The following EML6 variants were observed in gnomAD, a reference collection of about 807,000 sequenced individuals.
The protein encoded by EML6 is EMAP like 6.
In EML6, 154 loss-of-function variants were observed where a neutral mutation model predicts 240.1. The observed-to-expected ratio is 0.64, with a 90% CI of 0.56 to 0.73. The LOEUF is 0.73. Ranked by LOEUF, EML6 falls within the 30% of genes least tolerant of loss-of-function variation. The pLI is 0.00. For synonymous variants in EML6, 1,148 were observed against 899.0 expected, an observed-to-expected ratio of 1.28 and a Z score of -4.95; for missense variants, 2,964 against 2,474.6, an observed-to-expected ratio of 1.20 and a Z score of -4.20.
intron 2 of EML6, among the ~76,000 whole-genome samples, chr2:54,745,297 T>G (rs1327216417): frequency 6.6e-6 from 1 of 152,196 alleles, no homozygotes; most frequent in African/African-American, 2.4e-5. Flanking sequence ...CAGTCTTGAC[T>G]GCAGGTCTGA....
chr2:54,879,491 G>A, intron 16 of EML6, 56 bp from the exon 17 acceptor site: 1 of 1,131,804 alleles, frequency 8.8e-7, no homozygotes, highest in Non-Finnish European at 1.3e-6. Context: ...TACAGTGTAT[G>A]AAATGTTTTG....
intron 39 of EML6, among the ~76,000 whole-genome samples, chr2:54,967,633 A>AG (rs753059572): frequency 1.3e-5 from 2 of 151,928 alleles, no homozygotes; most frequent in Non-Finnish European, 1.5e-5. Flanking sequence ...ACTGAGGCAG[A>AG]GGGGGAACAG....
At chr2:54,809,377 C>G (rs550756440) in intron 2 of EML6, among the ~76,000 whole-genome samples, 1 of 152,174 alleles carries the variant, frequency 6.6e-6, no homozygotes, top group African/African-American at 2.4e-5. Flanking sequence ...GTGACTTGCG[C>G]TATGGGAGGA....
rs1050774181 is a variant in EML6 at position 54,725,479 on chromosome 2, G to C, written c.197+221G>C. Reference sequence around the variant, plus strand: ...GATGTCTTTTCGCTGTATCCCTCCGGAATTCTGGCTTTTAAATCTCCAAGG... The same window carrying C: ...GATGTCTTTTCGCTGTATCCCTCCGCAATTCTGGCTTTTAAATCTCCAAGG... On this transcript the variant is annotated intron_variant, in intron 2 of 41. Coordinates refer to ENST00000356458, the MANE Select transcript of EML6 (RefSeq NM_001039753.4). This position sits in a 1 kb window ranked among gnomAD's most constrained non-coding sequence, Gnocchi z 4.3. Among the ~76,000 whole-genome samples, 8 of 152,154 alleles carry C rather than the reference G, an allele frequency of 5.3e-5. No homozygotes were observed. The highest frequency in any genetic ancestry group is 8.8e-5 in the Non-Finnish European group (6 of 68,016).
intron 2 of EML6, among the ~76,000 whole-genome samples, chr2:54,789,586 A>ACG (rs1483643620): frequency 3.8e-4 from 55 of 146,382 alleles, no homozygotes; most frequent in Non-Finnish European, 5.3e-4. Flanking sequence ...CATGGGTGGG[A>ACG]CGTAACTGGC....
intron 18 of EML6, 86 bp from the exon 19 acceptor site, chr2:54,892,368 C>G (rs1042468049): frequency 1.3e-6 from 1 of 792,608 alleles, no homozygotes; most frequent in African/African-American, 1.8e-5. Flanking sequence ...TGAGAGACAC[C>G]AGGTTTCTCA....
chr2:54,840,285 G>T (rs535660223), intron 7 of EML6, among the ~76,000 whole-genome samples: 28 of 124,616 alleles, frequency 2.2e-4, no homozygotes, highest in Non-Finnish European at 4.6e-4. Flanking sequence ...GAAAAGGGCC[G>T]TGTCTTTAAA....
intron 32 of EML6, among the ~76,000 whole-genome samples, chr2:54,957,016 C>T (rs562852831): frequency 1.3e-5 from 2 of 152,254 alleles, no homozygotes; most frequent in East Asian, 3.9e-4. Flanking sequence ...TACTGGCTAA[C>T]ACATGATCAC....
At chr2:54,743,557 C>G (rs1316434671) in intron 2 of EML6, among the ~76,000 whole-genome samples, 2 of 152,162 alleles carry the variant, frequency 1.3e-5, no homozygotes, top group African/African-American at 4.8e-5. Context: ...ATTTCTGACT[C>G]CAAAGCCATG....
chr2:54,857,862 G>C (rs58433214), intron 11 of EML6, among the ~76,000 whole-genome samples: 3,011 of 152,220 alleles, frequency 0.02, 95 homozygotes, highest in African/African-American at 0.068. Flanking sequence ...CGGGGAGAGA[G>C]GGCAGAAAGA....
chr2:54,862,175 C>G (rs1670708131), intron 12 of EML6, among the ~76,000 whole-genome samples: 1 of 151,452 alleles, frequency 6.6e-6, no homozygotes, highest in Non-Finnish European at 1.5e-5. Flanking sequence ...CCTGTCTCTA[C>G]TAAAAATACA....
At position 54,944,347 on chromosome 2, in the gene EML6, G is replaced by A. The variant is rs572902852; in HGVS notation, c.4005-4535G>A. 8.5e-5 allele frequency among the ~76,000 whole-genome samples: 13 copies of A among 152,176 alleles called. No homozygotes were observed. In the South Asian group the frequency reaches 2.7e-3, roughly 32 times the overall value. On this transcript the variant is annotated intron_variant, in intron 28 of 41. Coordinates refer to ENST00000356458, the MANE Select transcript of EML6 (RefSeq NM_001039753.4). The stretch of plus-strand genomic sequence containing the variant: ...ATATGCAAGCTGGAAAACTGGTATT[G>A]CCCTTGAGTTGCTTTTCCTACTTCA...
chr2:54,938,873 C>G (rs1184722308), intron 28 of EML6, among the ~76,000 whole-genome samples: 1 of 152,168 alleles, frequency 6.6e-6, no homozygotes, highest in Non-Finnish European at 1.5e-5. Flanking sequence ...CGTATTATCT[C>G]ATTTCTGTTG....
intron 7 of EML6, among the ~76,000 whole-genome samples, chr2:54,843,423 C>A (rs1669566960): frequency 6.6e-6 from 1 of 152,080 alleles, no homozygotes; most frequent in Admixed American, 6.5e-5. Context: ...GAGACCTTGT[C>A]TCTAAAAAAT....
Position 54,725,130 on chromosome 2 carries a change from G to A in EML6, c.69G>A (p.Gln23=), listed in dbSNP as rs769738994. The stretch of plus-strand genomic sequence containing the variant: ...GGGTGTACGGGTACCGGGGTCACCA[G>A]TGCCGCAACAACCTGTACTACACGG... ...LEWVYGYRGH[Q]CRNNLYYTAG... is the part of the protein sequence containing the mutation. The change falls in exon 2 of 42, where the codon CAG becomes CAA. Residue 23 remains glutamine (Q), a synonymous_variant. Transcript: ENST00000356458. This position sits in a 1 kb window ranked among gnomAD's most constrained non-coding sequence, Gnocchi z 4.3. 15 of 1,541,616 alleles carry A rather than the reference G, an allele frequency of 9.7e-6. No individual in the cohort carries two copies. In the Admixed American group the frequency reaches 2.2e-4, roughly 22 times the overall value.
At chr2:54,837,054 C>T (rs116837032) in intron 7 of EML6, among the ~76,000 whole-genome samples, 1,643 of 152,262 alleles carry the variant, frequency 0.011, 14 homozygotes, top group Non-Finnish European at 0.016. Flanking sequence ...TCTACCAATA[C>T]TCCCTCTTAA....
At position 54,725,083 on chromosome 2, in the gene EML6, C is replaced by T. The variant is rs1682846581; in HGVS notation, c.22C>T (p.Arg8Cys). 3 of 1,528,768 alleles carry T rather than the reference C, an allele frequency of 2.0e-6. No individual in the cohort carries two copies. The highest frequency in any genetic ancestry group is 2.4e-5 in the South Asian group (2 of 82,888). 94.7% of individuals were successfully genotyped at this position (1,528,768 alleles called of 1,614,324 possible). The change falls in exon 2 of 42, where the codon CGC (arginine) becomes TGC (cysteine). Residue 8 changes from arginine (R) to cysteine (C), a missense_variant. Transcript: ENST00000356458. The surrounding 1 kb of genome is among the most constrained non-coding windows in gnomAD (Gnocchi z 4.3). Reference protein sequence around the residue: MADRTAPRCQLRLEWVYG... With the variant: MADRTAPCCQLRLEWVYG... ...TATCATGGCGGATCGGACGGCGCCC[C>T]GCTGCCAGCTCCGGCTGGAGTGGGT...
chr2:54,919,223 A>G (rs1451593939), intron 26 of EML6, among the ~76,000 whole-genome samples: 1 of 149,302 alleles, frequency 6.7e-6, no homozygotes, highest in Non-Finnish European at 1.5e-5. Context: ...AAGTGTTCCT[A>G]ACTTTCCTCT....
intron 28 of EML6, among the ~76,000 whole-genome samples, chr2:54,937,168 C>A (rs1361717086): frequency 1.3e-5 from 2 of 151,652 alleles, no homozygotes; most frequent in Non-Finnish European, 2.9e-5. Flanking sequence ...ATCCCAGCTA[C>A]TTGAGAGGCT....
Sources: allele counts gnomAD v4.1 joint callset (sites outside exome capture counted in the v4.1 genomes callset), GRCh38; gene constraint gnomAD v4.1.1; non-coding constraint Gnocchi (gnomAD v3.1); transcripts MANE v1.5; gene names NCBI Gene and HGNC (gene_info 2026-07-23, HGNC 2026-07-21).